The following PDCD6IP variants were observed in gnomAD, a reference collection of about 807,000 sequenced individuals.
The protein encoded by PDCD6IP is programmed cell death 6-interacting protein.
In PDCD6IP, 43 loss-of-function variants were observed where a neutral mutation model predicts 103.7. The observed-to-expected ratio is 0.41, with a 90% CI of 0.32 to 0.53. The LOEUF is 0.53. Among genes scored for constraint, PDCD6IP ranks in the 20% least tolerant of loss-of-function variants. The pLI, the probability that PDCD6IP is intolerant of heterozygous loss-of-function variation, is 0.16. For synonymous variants in PDCD6IP, 354 were observed against 378.7 expected (o/e 0.93, Z 0.76); for missense variants, 871 against 1,036.7 (o/e 0.84, Z 2.20).
In PDCD6IP at chr3:33,838,532, A is replaced by G. The variant is rs1424518167; in HGVS notation, c.1181+205A>G. On this transcript the variant is annotated intron_variant, in intron 9 of 17. Transcript: ENST00000307296. Reference sequence around the variant, plus strand: ...TGGAAGAAATTATAGAAACAAGGTGAGGATATGAGGACTAAAAATTTGTAT... The same window carrying G: ...TGGAAGAAATTATAGAAACAAGGTGGGGATATGAGGACTAAAAATTTGTAT... Among the ~76,000 whole-genome samples, 3 of 151,948 alleles carry G rather than the reference A, an allele frequency of 2.0e-5. No homozygotes were observed. In the East Asian group the frequency reaches 5.8e-4, roughly 29 times the overall value.
Position 33,826,788 on chromosome 3 carries a change from C to A in PDCD6IP, c.717+208C>A, listed in dbSNP as rs1240821201. On this transcript the variant is annotated intron_variant, in intron 6 of 17. Coordinates refer to ENST00000307296, the MANE Select transcript of PDCD6IP (RefSeq NM_013374.6). The stretch of plus-strand genomic sequence containing the variant: ...GTTTAGGGGATGCCTTTGTCTTTAC[C>A]TTTTACTAAACTTGTTTTTCCAAGC... The A allele has an allele frequency of 1.4e-5, 18 of 1,314,866 alleles. No homozygotes were observed. In the African/African-American group the frequency reaches 2.4e-4, roughly 18 times the overall value. The allele number at this position is 1,314,866 out of a possible 1,614,324, so 81.4% of individuals were successfully genotyped here.
intron 12 of PDCD6IP, among the ~76,000 whole-genome samples, chr3:33,847,143 A>G (rs1697610230): frequency 6.6e-6 from 1 of 152,176 alleles, no homozygotes; most frequent in South Asian, 2.1e-4. Context: ...TTATTTTAGA[A>G]AAAGATTTCT....
chr3:33,802,682 C>G (rs11709570), intron 1 of PDCD6IP, among the ~76,000 whole-genome samples: 48,315 of 151,794 alleles, frequency 0.32, 9,788 homozygotes, highest in South Asian at 0.47. Context: ...TAGAGACGGG[C>G]TTTCTCCATG....
At chr3:33,835,544 C>G (rs570724524) in intron 7 of PDCD6IP, among the ~76,000 whole-genome samples, 3 of 152,196 alleles carry the variant, frequency 2.0e-5, no homozygotes, top group African/African-American at 4.8e-5. Flanking sequence ...TGATGAAACC[C>G]GATGTCTACC....
At chr3:33,826,819 C>G in intron 6 of PDCD6IP, 2 of 1,265,660 alleles carry the variant, frequency 1.6e-6, no homozygotes, top group Non-Finnish European at 2.0e-6. Flanking sequence ...CAAGCTAGAA[C>G]TCTTTCTGGA....
chr3:33,809,915 C>T (rs1419100745), intron 1 of PDCD6IP, among the ~76,000 whole-genome samples: 1 of 152,144 alleles, frequency 6.6e-6, no homozygotes, highest in Non-Finnish European at 1.5e-5. Flanking sequence ...CGAAGTGATG[C>T]TGTGTTCTTT....
intron 3 of PDCD6IP, among the ~76,000 whole-genome samples, chr3:33,820,893 C>T (rs1193616922): frequency 6.6e-6 from 1 of 152,136 alleles, no homozygotes; most frequent in Non-Finnish European, 1.5e-5. Context: ...ACTCTGCTTT[C>T]ATTTTTTTGG....
intron 14 of PDCD6IP, 198 bp from the exon 15 acceptor site, chr3:33,854,965 TTTA>T: frequency 6.0e-6 from 2 of 331,330 alleles, no homozygotes; most frequent in Non-Finnish European, 5.5e-6. Context: ...TAAAAATGCT[TTTA>T]TTATTTTTAT....
At chr3:33,811,950 C>T (rs912449069) in intron 1 of PDCD6IP, 122 bp from the exon 2 acceptor site, 3 of 1,312,168 alleles carry the variant, frequency 2.3e-6, no homozygotes, top group Admixed American at 3.9e-5. Flanking sequence ...AACTTTTTTT[C>T]ATATAAAATA....
At position 33,854,116 on chromosome 3, in the gene PDCD6IP, C is replaced by T; in HGVS notation, c.2025+103C>T. On this transcript the variant is annotated intron_variant, in intron 14 of 17. Coordinates refer to ENST00000307296, the MANE Select transcript of PDCD6IP (RefSeq NM_013374.6). ...CCAGTTGAACCAAATTGCTCTTTGCCTAGAATTTTAGCTTTAATGCCATTG... is the reference window on the plus strand; with the variant it reads ...CCAGTTGAACCAAATTGCTCTTTGCTTAGAATTTTAGCTTTAATGCCATTG... 3 of 1,330,974 alleles carry T rather than the reference C, an allele frequency of 2.3e-6. No homozygotes were observed. In the Admixed American group the frequency reaches 8.8e-5, roughly 39 times the overall value. 82.4% of individuals were successfully genotyped at this position (1,330,974 alleles called of 1,614,324 possible). A position where few individuals can be genotyped will look rare whatever the true frequency, so the allele number is the denominator to read the frequency against.
chr3:33,830,656 G>A lies in PDCD6IP; in HGVS notation c.834+1687G>A, dbSNP rs145281670. ...CTTGGGAGGTTGAGGTGGGAGGATCGTTTGAAGCTAGTAGTTTGAGGCCAG... is the reference window on the plus strand; with the variant it reads ...CTTGGGAGGTTGAGGTGGGAGGATCATTTGAAGCTAGTAGTTTGAGGCCAG... On this transcript the variant is annotated intron_variant, in intron 7 of 17. Coordinates refer to ENST00000307296, the MANE Select transcript of PDCD6IP (RefSeq NM_013374.6). 2.0e-5 allele frequency among the ~76,000 whole-genome samples: 3 copies of A among 152,194 alleles called. No individual in the cohort carries two copies. In the East Asian group the frequency reaches 5.8e-4, roughly 29 times the overall value.
chr3:33,851,969 T>A (rs1390401638), intron 12 of PDCD6IP, among the ~76,000 whole-genome samples: 1 of 152,196 alleles, frequency 6.6e-6, no homozygotes, highest in African/African-American at 2.4e-5. Context: ...AAATAGGATA[T>A]CTACTTACCT....
In PDCD6IP at chr3:33,825,292, A is replaced by G. The variant is rs1462769948; in HGVS notation, c.568A>G (p.Ile190Val). The part of the protein sequence containing the change: ...SPDTVGTLSL[I>V]MLAQAQEVFF... ...AGATACTGTTGGGACCCTCAGTCTT[A>G]TTATGCTGGCACAGGCTCAAGAAGT... Residue 190 changes from isoleucine (I) to valine (V), a missense_variant, in exon 5 of 18, where the codon ATT becomes GTT. By Grantham distance (29) the Ile-to-Val change is conservative. This residue lies in a region of PDCD6IP where 242 missense variants were observed against 250.7 expected (regional missense o/e 0.97). Coordinates refer to ENST00000307296, the MANE Select transcript of PDCD6IP (RefSeq NM_013374.6). 1.9e-6 allele frequency: 3 copies of G among 1,613,314 alleles called. No homozygotes were observed. The Admixed American group carries it at 5.0e-5, about 27-fold the overall frequency.
intron 15 of PDCD6IP, among the ~76,000 whole-genome samples, chr3:33,863,146 C>G (rs1200558036): frequency 6.6e-6 from 1 of 151,934 alleles, no homozygotes; most frequent in Non-Finnish European, 1.5e-5. Context: ...GTGTAATAAT[C>G]AAATCAGGGT....
intron 9 of PDCD6IP, among the ~76,000 whole-genome samples, chr3:33,840,410 CTCA>C (rs1697443021): frequency 6.6e-6 from 1 of 152,162 alleles, no homozygotes; most frequent in Non-Finnish European, 1.5e-5. Context: ...GGTACACGGA[CTCA>C]TGTAGTTCAA....
chr3:33,861,346 T>G (rs1697949272), intron 15 of PDCD6IP, among the ~76,000 whole-genome samples: 3 of 152,182 alleles, frequency 2.0e-5, no homozygotes, highest in African/African-American at 7.2e-5. Context: ...TTTCACCATC[T>G]TGGCCAGACT....
At position 33,854,162 on chromosome 3, in the gene PDCD6IP, G is replaced by A. The variant is rs1294043790; in HGVS notation, c.2025+149G>A. 6.3e-6 allele frequency: 5 copies of A among 797,156 alleles called. No individual in the cohort carries two copies. In the East Asian group the frequency reaches 1.4e-4, roughly 22 times the overall value. 49.4% of individuals were successfully genotyped at this position (797,156 alleles called of 1,614,324 possible). A position where few individuals can be genotyped will look rare whatever the true frequency, so the allele number is the denominator to read the frequency against. ...CATTGCTGCTGCGAAGTTTGTTATA[G>A]GAGGGAGAAAGCTTAATGAAGGTGG... On this transcript the variant is annotated intron_variant, in intron 14 of 17. Transcript: ENST00000307296.
chr3:33,825,053 T>G, intron 4 of PDCD6IP, 134 bp from the exon 5 acceptor site: 2 of 717,366 alleles, frequency 2.8e-6, no homozygotes, highest in Non-Finnish European at 4.7e-6. Flanking sequence ...TGTTTTAGAT[T>G]GGTTTTGCAT....
intron 7 of PDCD6IP, among the ~76,000 whole-genome samples, chr3:33,829,928 T>TGA (rs1159420300): frequency 3.3e-5 from 5 of 152,078 alleles, no homozygotes; most frequent in African/African-American, 9.7e-5. Flanking sequence ...TGCTAGTGAG[T>TGA]GAGAGAGAGC....
Sources: gnomAD v4.1 joint callset for allele counts (sites outside exome capture counted in the v4.1 genomes callset) on GRCh38, gnomAD v4.1.1 for gene constraint, gnomAD v4.1.1 regional missense constraint, MANE v1.5 for transcripts, NCBI Gene and HGNC (gene_info 2026-07-23, HGNC 2026-07-21) for gene names.